USH2A: variants seen among roughly 807,000 people sequenced by gnomAD.
USH2A encodes Usher syndrome 2A (autosomal recessive, mild).
In USH2A, 443 loss-of-function variants were observed where a neutral mutation model predicts 538.9. The observed-to-expected ratio is 0.82, with a 90% CI of 0.76 to 0.89. USH2A has a LOEUF of 0.89. Ranked by LOEUF, USH2A falls within the 40% of genes least tolerant of loss-of-function variation. The probability of loss-of-function intolerance (pLI) is 0.00; values close to 1 mark genes in which losing one functional copy is unlikely to be tolerated. For synonymous variants in USH2A, 2,413 were observed against 2,273.5 expected (o/e 1.06, Z -1.75); for missense variants, 6,633 against 6,324.8 (o/e 1.05, Z -1.65).
intron 16 of USH2A, among the ~76,000 whole-genome samples, chr1:216,201,222 T>A (rs1254476903): frequency 1.3e-5 from 2 of 151,690 alleles, no homozygotes; most frequent in African/African-American, 2.4e-5. Context: ...CTTTCATTTC[T>A]TTCCTGGATC....
At chr1:216,077,182 G>T (rs2031780692) in intron 27 of USH2A, among the ~76,000 whole-genome samples, 1 of 152,042 alleles carries the variant, frequency 6.6e-6, no homozygotes, top group African/African-American at 2.4e-5. Flanking sequence ...AACCATGACT[G>T]CCACAAGAAA....
chr1:215,623,059 A>G lies in USH2A; in HGVS notation c.*2722T>C, dbSNP rs1298150408. The G allele has an allele frequency of 6.6e-6, 1 of 151,744 alleles. No homozygotes were observed. The highest frequency in any genetic ancestry group is 1.5e-5 in the Non-Finnish European group (1 of 68,012). 9.4% of individuals were successfully genotyped at this position (151,744 alleles called of 1,614,324 possible). ...TACCGGTGTGTTCATGGATGCCAGC[A>G]TGATTTTTACATCAGTATATGGTAC... On this transcript the variant is annotated 3_prime_UTR_variant, in exon 72 of 72. Coordinates refer to ENST00000307340, the MANE Select transcript of USH2A (RefSeq NM_206933.4).
At chr1:215,631,371 C>T (rs1227831048) in intron 70 of USH2A, among the ~76,000 whole-genome samples, 1 of 152,120 alleles carries the variant, frequency 6.6e-6, no homozygotes, top group African/African-American at 2.4e-5. Flanking sequence ...TGGATTCTTT[C>T]CCACCTGAGT....
rs1655884168 is a variant in USH2A, at chr1:215,623,598, CA to C, written c.*2182del. 6.6e-6 allele frequency: 1 copy of C among 152,088 alleles called. No individual in the cohort carries two copies. The highest frequency in any genetic ancestry group is 1.5e-5 in the Non-Finnish European group (1 of 68,008). 9.4% of individuals were successfully genotyped at this position (152,088 alleles called of 1,614,324 possible). On this transcript the variant is annotated 3_prime_UTR_variant, in exon 72 of 72. Coordinates refer to ENST00000307340, the MANE Select transcript of USH2A (RefSeq NM_206933.4). ...AATACAAGTAAACTTAGACATGTAG[CA>C]GGGGACAGAGTTCTGGGCAGAAGCC...
intron 38 of USH2A, among the ~76,000 whole-genome samples, chr1:215,924,312 C>T (rs1191000553): frequency 1.3e-5 from 2 of 151,752 alleles, no homozygotes; most frequent in East Asian, 1.9e-4. Flanking sequence ...GGTCTATATG[C>T]CTTTATAGAG....
At chr1:215,787,755 A>G (rs770448233) in intron 51 of USH2A, among the ~76,000 whole-genome samples, 4 of 152,172 alleles carry the variant, frequency 2.6e-5, no homozygotes, top group African/African-American at 7.2e-5. Flanking sequence ...TCAAAAATAT[A>G]TAGTGGGTCT....
chr1:216,028,472 A>G (rs995735064), intron 32 of USH2A, among the ~76,000 whole-genome samples: 1 of 152,130 alleles, frequency 6.6e-6, no homozygotes, highest in African/African-American at 2.4e-5. Flanking sequence ...GAAAGTATAA[A>G]TTATCAAAGA....
intron 55 of USH2A, among the ~76,000 whole-genome samples, chr1:215,775,154 T>C (rs1252998884): frequency 1.3e-5 from 2 of 152,152 alleles, no homozygotes; most frequent in African/African-American, 4.8e-5. Flanking sequence ...TAAAGAAATA[T>C]ACTGCAGCTA....
At chr1:216,073,016 G>A (rs2031610819) in intron 28 of USH2A, 47 bp from the exon 29 acceptor site, 1 of 1,609,804 alleles carries the variant, frequency 6.2e-7, no homozygotes, top group African/African-American at 1.3e-5. Flanking sequence ...TACTCATATA[G>A]ATTAATGAGG....
At chr1:215,976,886 G>A (rs1667630435) in intron 35 of USH2A, among the ~76,000 whole-genome samples, 1 of 151,884 alleles carries the variant, frequency 6.6e-6, no homozygotes, top group African/African-American at 2.4e-5. Context: ...TTAAGAAGGA[G>A]TCCTTCCTTC....
intron 49 of USH2A, 50 bp from the exon 50 acceptor site, chr1:215,799,175 T>C (rs774478629): frequency 3.3e-6 from 5 of 1,530,322 alleles, no homozygotes; most frequent in Non-Finnish European, 4.5e-6. Flanking sequence ...AAAAATATGC[T>C]ATGACTAACA....
intron 4 of USH2A, among the ~76,000 whole-genome samples, chr1:216,351,690 C>T (rs1019207321): frequency 7.2e-5 from 9 of 124,374 alleles, no homozygotes; most frequent in South Asian, 2.4e-4. Context: ...GAGAATAAAG[C>T]GGAGTGCCTG....
chr1:215,847,178 T>C (rs1663873144), intron 44 of USH2A, among the ~76,000 whole-genome samples: 1 of 152,220 alleles, frequency 6.6e-6, no homozygotes, highest in Non-Finnish European at 1.5e-5. Flanking sequence ...CCCACAATGA[T>C]TCTTTAACAA....
intron 43 of USH2A, among the ~76,000 whole-genome samples, chr1:215,875,811 T>C (rs1192524324): frequency 3.3e-5 from 5 of 149,494 alleles, no homozygotes. Flanking sequence ...GTGATTTCTT[T>C]AGGCAGAATT....
At chr1:215,892,897 C>T (rs757893886) in intron 40 of USH2A, among the ~76,000 whole-genome samples, 10 of 152,068 alleles carry the variant, frequency 6.6e-5, no homozygotes, top group Admixed American at 4.6e-4. Context: ...AACCAATATT[C>T]GGGAACTATT....
chr1:216,118,470 T>G (rs779487682), intron 21 of USH2A, among the ~76,000 whole-genome samples: 1 of 152,084 alleles, frequency 6.6e-6, no homozygotes, highest in Non-Finnish European at 1.5e-5. Flanking sequence ...CAGTCCAGCT[T>G]CTCATAAGCA....
chr1:215,799,345 G>A (rs1250832001), intron 49 of USH2A, among the ~76,000 whole-genome samples: 2 of 152,192 alleles, frequency 1.3e-5, no homozygotes, highest in African/African-American at 4.8e-5. Context: ...TTACAGGTAA[G>A]TCTATGTTGT....
chr1:215,857,433 C>G (rs1452018363), intron 44 of USH2A, among the ~76,000 whole-genome samples: 1 of 152,138 alleles, frequency 6.6e-6, no homozygotes, highest in Non-Finnish European at 1.5e-5. Context: ...GCCATTCAGA[C>G]AGCCTGGGAA....
At chr1:215,985,901 T>C (rs1667862176) in intron 35 of USH2A, among the ~76,000 whole-genome samples, 1 of 152,162 alleles carries the variant, frequency 6.6e-6, no homozygotes, top group Non-Finnish European at 1.5e-5. Flanking sequence ...AGGTACTACG[T>C]GTAAGTCTAC....
Sources: gnomAD v4.1 joint callset for allele counts (sites outside exome capture counted in the v4.1 genomes callset) on GRCh38, gnomAD v4.1.1 for gene constraint, MANE v1.5 for transcripts, NCBI Gene and HGNC (gene_info 2026-07-23, HGNC 2026-07-21) for gene names.